The following AQP5 variants were observed in gnomAD, a reference collection of about 807,000 sequenced individuals.
AQP5 encodes aquaporin-5.
A neutral mutation model predicts 19.1 loss-of-function variants in AQP5; 15 were observed. The ratio of observed to expected loss-of-function variants is 0.79; its 90% CI spans 0.53 to 1.21. The LOEUF is 1.21. Ranked by LOEUF, AQP5 falls within the 50% of genes most tolerant of loss-of-function variation. The probability of loss-of-function intolerance (pLI) is 0.00; values close to 1 mark genes in which losing one functional copy is unlikely to be tolerated. For synonymous variants in AQP5, 182 were observed against 160.3 expected (o/e 1.14, Z -1.02); for missense variants, 355 against 357.1 (o/e 0.99, Z 0.05).
Position 49,963,581 on chromosome 12 carries a change from C to G in AQP5, c.453C>G (p.Asp151Glu). The change falls in exon 2 of 4, where the codon GAC (aspartate) becomes GAG (glutamate). Residue 151 changes from aspartate to glutamate, a missense_variant. Transcript: ENST00000293599. ...CACTCTGCATCTTCGCCTCCACTGACTCCCGCCGCACCAGCCCTGTGGGCT... is the reference window on the plus strand; with the variant it reads ...CACTCTGCATCTTCGCCTCCACTGAGTCCCGCCGCACCAGCCCTGTGGGCT... ...QLALCIFASTDSRRTSPVGSP... is the reference protein window; with the variant it reads ...QLALCIFASTESRRTSPVGSP... 1 of 1,613,708 alleles carries G rather than the reference C, an allele frequency of 6.2e-7. No homozygotes were observed. Among genetic ancestry groups the G allele is most frequent in the South Asian group, 1.1e-5 (1 of 91,088 alleles).
chr12:49,965,174 C>A lies in AQP5; in HGVS notation c.795C>A (p.Arg265=). Residue 265 remains arginine (R), a synonymous_variant, in exon 4 of 4, where the codon CGC becomes CGA. Transcript: ENST00000293599. ...AGAAGACCATGGAGCTGACCACCCG[C>A]TGACCAGTGTCAGGCAGGGGCCAGC... ...ERKKTMELTT[R] 6.2e-7 allele frequency: 1 copy of A among 1,608,326 alleles called. No individual in the cohort carries two copies. The highest frequency in any genetic ancestry group is 8.5e-7 in the Non-Finnish European group (1 of 1,177,386).
At chr12:49,962,659 T>C (rs1362053033) in intron 1 of AQP5, 2 of 392,304 alleles carry the variant, frequency 5.1e-6, no homozygotes, top group African/African-American at 4.1e-5. Context: ...TGCCTCCTCC[T>C]GTCTCACCTT....
Position 49,963,485 on chromosome 12 carries a change from C to A in AQP5, c.364-7C>A. The A allele has an allele frequency of 1.9e-6, 3 of 1,613,518 alleles. No individual in the cohort carries two copies. Among genetic ancestry groups the A allele is most frequent in the Non-Finnish European group, 2.5e-6 (3 of 1,179,836 alleles). Reference sequence around the variant, plus strand: ...GGCCGGGGTCCTAACCCGCTATCCCCTTGCAGCTCAACAACAACACAACGC... The same window carrying A: ...GGCCGGGGTCCTAACCCGCTATCCCATTGCAGCTCAACAACAACACAACGC... On this transcript the variant is annotated splice_polypyrimidine_tract_variant and splice_region_variant and intron_variant, in intron 1 of 3. Coordinates refer to ENST00000293599, the MANE Select transcript of AQP5 (RefSeq NM_001651.4).
At position 49,963,489 on chromosome 12, in the gene AQP5, C is replaced by A. The variant is rs113103115; in HGVS notation, c.364-3C>A. 6.2e-7 allele frequency: 1 copy of A among 1,613,508 alleles called. No homozygotes were observed. On this transcript the variant is annotated splice_polypyrimidine_tract_variant and splice_region_variant and intron_variant, in intron 1 of 3. Transcript: ENST00000293599. ...GGGGTCCTAACCCGCTATCCCCTTGCAGCTCAACAACAACACAACGCAGGG... is the reference window on the plus strand; with the variant it reads ...GGGGTCCTAACCCGCTATCCCCTTGAAGCTCAACAACAACACAACGCAGGG...
chr12:49,963,592 C>T lies in AQP5; in HGVS notation c.464C>T (p.Thr155Ile), dbSNP rs753119460. 6 of 1,613,786 alleles carry T rather than the reference C, an allele frequency of 3.7e-6. No homozygotes were observed. The South Asian group carries it at 4.4e-5, about 12-fold the overall frequency. The part of the protein sequence containing the change: ...CIFASTDSRR[T>I]SPVGSPALSI... ...TTCGCCTCCACTGACTCCCGCCGCA[C>T]CAGCCCTGTGGGCTCCCCAGCCCTG... Residue 155 changes from threonine to isoleucine, a missense_variant, in exon 2 of 4, where the codon ACC becomes ATC. Thr to Ile is a moderately conservative substitution (Grantham distance 89). Coordinates refer to ENST00000293599, the MANE Select transcript of AQP5 (RefSeq NM_001651.4).
chr12:49,963,428 T>A, intron 1 of AQP5, 64 bp from the exon 2 acceptor site: 3 of 1,581,190 alleles, frequency 1.9e-6, no homozygotes, highest in Non-Finnish European at 2.6e-6. Flanking sequence ...AAAGCCCTAC[T>A]CCCCGAGCCC....
At chr12:49,962,538 C>CCCAGGCCAGGAAGGCAAGAGCCTCCCA (rs1555166093) in intron 1 of AQP5, 158 bp downstream of exon 1, 1 of 929,846 alleles carries the variant, frequency 1.1e-6, no homozygotes, top group Non-Finnish European at 1.5e-6. Context: ...GGCAACTCTC[C>CCCAGGCCAGGAAGGCAAGAGCCTCCCA]AGGCTGATAT....
rs778284854 is a variant in AQP5, at chr12:49,963,613, C to T, written c.485C>T (p.Ala162Val). ...SRRTSPVGSP[A>V]LSIGLSVTLG... Reference sequence around the variant, plus strand: ...CGCACCAGCCCTGTGGGCTCCCCAGCCCTGTCCATTGGCCTGTCTGTCACC... The same window carrying T: ...CGCACCAGCCCTGTGGGCTCCCCAGTCCTGTCCATTGGCCTGTCTGTCACC... Residue 162 changes from alanine (A) to valine (V), a missense_variant, in exon 2 of 4, where the codon GCC (alanine) becomes GTC (valine). Coordinates refer to ENST00000293599, the MANE Select transcript of AQP5 (RefSeq NM_001651.4). The T allele has an allele frequency of 4.3e-6, 7 of 1,613,868 alleles. No homozygotes were observed. Among genetic ancestry groups the T allele is most frequent in the Middle Eastern group, 1.6e-4 (1 of 6,062 alleles).
chr12:49,964,401 A>C (rs1317194034), intron 3 of AQP5, among the ~76,000 whole-genome samples: 1 of 152,068 alleles, frequency 6.6e-6, no homozygotes, highest in African/African-American at 2.4e-5. Flanking sequence ...CTGAGTATCT[A>C]TCCGCTTATG....
intron 3 of AQP5, 54 bp downstream of exon 3, chr12:49,964,229 A>C: frequency 6.4e-7 from 1 of 1,562,540 alleles, no homozygotes; most frequent in Non-Finnish European, 8.8e-7. Flanking sequence ...GAGACCCAGC[A>C]GTGGCAGCTC....
intron 2 of AQP5, 163 bp downstream of exon 2, chr12:49,963,819 C>G: frequency 9.4e-7 from 1 of 1,058,430 alleles, no homozygotes; most frequent in Non-Finnish European, 1.3e-6. Flanking sequence ...CAGAATTGAT[C>G]CCCCCAAAAC....
At chr12:49,964,429 C>G (rs549004071) in intron 3 of AQP5, among the ~76,000 whole-genome samples, 1 of 151,982 alleles carries the variant, frequency 6.6e-6, no homozygotes, top group South Asian at 2.1e-4. Flanking sequence ...CTCTACTGAA[C>G]CTGGAGGTGC....
At chr12:49,962,532 A>AGAGCCGCCCAAGGCCAGGAAGGCAAGAGC in intron 1 of AQP5, 152 bp downstream of exon 1, 2 of 1,216,786 alleles carry the variant, frequency 1.6e-6, no homozygotes, top group Non-Finnish European at 1.1e-6. Context: ...CAGGAAGGCA[A>AGAGCCGCCCAAGGCCAGGAAGGCAAGAGC]CTCTCCAGGC....
In AQP5 at chr12:49,962,186, G is replaced by A; in HGVS notation, c.169G>A (p.Ala57Thr). 1 of 1,609,770 alleles carries A rather than the reference G, an allele frequency of 6.2e-7. No individual in the cohort carries two copies. The highest frequency in any genetic ancestry group is 8.5e-7 in the Non-Finnish European group (1 of 1,179,800). ...GTTTGGCCTGGCCATAGGCACGCTG[G>A]CCCAGGCCCTGGGACCCGTGAGCGG... ...LAFGLAIGTL[A>T]QALGPVSGGH... is the part of the protein sequence containing the mutation. The change falls in exon 1 of 4, where the codon GCC (alanine) becomes ACC (threonine). Residue 57 changes from alanine (A) to threonine (T), a missense_variant. Coordinates refer to ENST00000293599, the MANE Select transcript of AQP5 (RefSeq NM_001651.4).
rs145635764 is a variant in AQP5, at chr12:49,965,372, G to A, written c.*195G>A. On this transcript the variant is annotated 3_prime_UTR_variant, in exon 4 of 4. Transcript: ENST00000293599. ...TCCTGGGGTAGGGGCCAGGGGCTGG[G>A]GTCTGCTGGGGACAGGTCTCTCTGG... 3 of 619,932 alleles carry A rather than the reference G, an allele frequency of 4.8e-6. No homozygotes were observed. Among genetic ancestry groups the A allele is most frequent in the African/African-American group, 3.7e-5 (2 of 54,182 alleles). The allele number at this position is 619,932 out of a possible 1,614,324, so 38.4% of individuals were successfully genotyped here.
Position 49,965,279 on chromosome 12 carries a change from G to C in AQP5, c.*102G>C. 1 of 1,349,118 alleles carries C rather than the reference G, an allele frequency of 7.4e-7. No homozygotes were observed. The highest frequency in any genetic ancestry group is 9.8e-7 in the Non-Finnish European group (1 of 1,020,620). 83.6% of individuals were successfully genotyped at this position (1,349,118 alleles called of 1,614,324 possible). A position where few individuals can be genotyped will look rare whatever the true frequency, so the allele number is the denominator to read the frequency against. The stretch of plus-strand genomic sequence containing the variant: ...CCTTTTTGCACAACCGGTCCTCTTG[G>C]CTGAGGAGGAGGAGCTGGTCACCCT... On this transcript the variant is annotated 3_prime_UTR_variant, in exon 4 of 4. Transcript: ENST00000293599.
In AQP5 at chr12:49,962,213, G is replaced by T; in HGVS notation, c.196G>T (p.Gly66Cys). 6.2e-7 allele frequency: 1 copy of T among 1,606,936 alleles called. No homozygotes were observed. ...LAQALGPVSG[G>C]HINPAITLAL... is the part of the protein sequence containing the mutation. The stretch of plus-strand genomic sequence containing the variant: ...CCAGGCCCTGGGACCCGTGAGCGGC[G>T]GCCACATCAACCCCGCCATCACCCT... Residue 66 changes from glycine (G) to cysteine (C), a missense_variant, in exon 1 of 4, where the codon GGC becomes TGC. Gly to Cys is a radical substitution (Grantham distance 159). Transcript: ENST00000293599.
In AQP5 at chr12:49,961,943, T is replaced by G; in HGVS notation, c.-75T>G. On this transcript the variant is annotated 5_prime_UTR_variant, in exon 1 of 4. Transcript: ENST00000293599. Reference sequence around the variant, plus strand: ...CAGCCAGGCCCCCGCCCCCGCCGCATCCACCTCCTCCGCCGCCTGCGACCC... The same window carrying G: ...CAGCCAGGCCCCCGCCCCCGCCGCAGCCACCTCCTCCGCCGCCTGCGACCC... The G allele has an allele frequency of 5.9e-6, 6 of 1,023,346 alleles. No individual in the cohort carries two copies. The highest frequency in any genetic ancestry group is 7.5e-6 in the Non-Finnish European group (6 of 799,978). The allele number at this position is 1,023,346 out of a possible 1,614,324, so 63.4% of individuals were successfully genotyped here.
In AQP5 at chr12:49,961,888, A is replaced by G; in HGVS notation, c.-130A>G. ...GCCCGCGCCAGGCCGCCAGCCTCGG[A>G]GTGGGCGCGGGACAGTGCGCGGCGC... On this transcript the variant is annotated 5_prime_UTR_variant, in exon 1 of 4. Coordinates refer to ENST00000293599, the MANE Select transcript of AQP5 (RefSeq NM_001651.4). 1 of 401,698 alleles carries G rather than the reference A, an allele frequency of 2.5e-6. No homozygotes were observed. The allele number at this position is 401,698 out of a possible 1,614,324, so 24.9% of individuals were successfully genotyped here. A position where few individuals can be genotyped will look rare whatever the true frequency, so the allele number is the denominator to read the frequency against.
Sources: allele counts gnomAD v4.1 joint callset (sites outside exome capture counted in the v4.1 genomes callset), GRCh38; gene constraint gnomAD v4.1.1; transcripts MANE v1.5; gene names NCBI Gene and HGNC (gene_info 2026-07-23, HGNC 2026-07-21).